PIK3C2A: variants seen among roughly 807,000 people sequenced by gnomAD.
PIK3C2A encodes the protein phosphatidylinositol-4-phosphate 3-kinase catalytic subunit type 2 alpha, also known as phosphatidylinositol 4-phosphate 3-kinase C2 domain-containing subunit alpha.
PIK3C2A carries 97 observed loss-of-function variants against 204.5 expected under a neutral mutation model. The ratio of observed to expected loss-of-function variants is 0.47; its 90% CI spans 0.40 to 0.56. The LOEUF (loss-of-function observed/expected upper bound fraction) is 0.56, where lower values mean the gene tolerates loss of function less well. Among genes scored for constraint, PIK3C2A ranks in the 20% least tolerant of loss-of-function variants. The pLI, the probability that PIK3C2A is intolerant of heterozygous loss-of-function variation, is 0.00. For synonymous variants in PIK3C2A, 653 were observed against 664.4 expected (o/e 0.98, Z 0.26); for missense variants, 1,735 against 1,969.2 (o/e 0.88, Z 2.25).
At chr11:17,100,080 A>G (rs1033911612) in intron 25 of PIK3C2A, 111 bp from the exon 26 acceptor site, 48 of 592,356 alleles carry the variant, frequency 8.1e-5, no homozygotes, top group Non-Finnish European at 1.4e-4. Context: ...AAAAATAATC[A>G]GTCTTGAGGG....
chr11:17,104,650 A>G (rs562660097), intron 23 of PIK3C2A, among the ~76,000 whole-genome samples: 2 of 146,184 alleles, frequency 1.4e-5, no homozygotes, highest in African/African-American at 5.1e-5. Context: ...GCGTGAACCC[A>G]GGAGGCGGAG....
Position 17,148,015 on chromosome 11 carries a change from C to T in PIK3C2A, c.1449-387G>A, listed in dbSNP as rs555691176. On this transcript the variant is annotated intron_variant, in intron 5 of 32. Coordinates refer to ENST00000691414, the MANE Select transcript of PIK3C2A (RefSeq NM_002645.4). Reference sequence around the variant, plus strand: ...GGTGGATCACCTGAGGTCGAGAGTTCGAGACCAGCCTGACCAACAGGCTGT... The same window carrying T: ...GGTGGATCACCTGAGGTCGAGAGTTTGAGACCAGCCTGACCAACAGGCTGT... Among the ~76,000 whole-genome samples, 5 of 152,000 alleles carry T rather than the reference C, an allele frequency of 3.3e-5. No homozygotes were observed. The East Asian group carries it at 5.8e-4, about 18-fold the overall frequency.
chr11:17,183,006 A>C (rs1389820725), intron 1 of PIK3C2A, among the ~76,000 whole-genome samples: 2 of 152,066 alleles, frequency 1.3e-5, no homozygotes, highest in African/African-American at 4.8e-5. Flanking sequence ...TACCTGGCTA[A>C]GTTTTGTATT....
chr11:17,108,028 G>A (rs1347664844), intron 22 of PIK3C2A, among the ~76,000 whole-genome samples: 7 of 152,070 alleles, frequency 4.6e-5, no homozygotes, highest in African/African-American at 1.2e-4. Context: ...GCACCACCAC[G>A]CCTGGCTAAT....
chr11:17,115,962 T>A (rs1849172505), intron 19 of PIK3C2A, among the ~76,000 whole-genome samples: 1 of 152,136 alleles, frequency 6.6e-6, no homozygotes, highest in Non-Finnish European at 1.5e-5. Flanking sequence ...CAGGTGTACA[T>A]CTTTATGGCA....
intron 12 of PIK3C2A, among the ~76,000 whole-genome samples, chr11:17,130,688 T>C (rs1849663477): frequency 6.6e-6 from 1 of 150,870 alleles, no homozygotes; most frequent in Non-Finnish European, 1.5e-5. Flanking sequence ...ACACCTGTAA[T>C]CTCAGCTACT....
intron 18 of PIK3C2A, 54 bp downstream of exon 18, chr11:17,118,591 T>A: frequency 1.2e-6 from 1 of 817,084 alleles, no homozygotes; most frequent in South Asian, 1.5e-5. Context: ...GGGTATGCCA[T>A]TTCTATAAAT....
intron 15 of PIK3C2A, among the ~76,000 whole-genome samples, chr11:17,120,365 C>G (rs1232593188): frequency 6.6e-6 from 1 of 151,884 alleles, no homozygotes; most frequent in Non-Finnish European, 1.5e-5. Flanking sequence ...AAAAATACTA[C>G]TATAAAATTT....
chr11:17,156,018 T>C (rs562740293), intron 2 of PIK3C2A, among the ~76,000 whole-genome samples: 1 of 152,316 alleles, frequency 6.6e-6, no homozygotes, highest in African/African-American at 2.4e-5. Context: ...CAGCCAGAAA[T>C]TCTATATATT....
At chr11:17,144,588 A>G (rs1431532322) in intron 8 of PIK3C2A, among the ~76,000 whole-genome samples, 1 of 152,116 alleles carries the variant, frequency 6.6e-6, no homozygotes, top group Non-Finnish European at 1.5e-5. Flanking sequence ...AAGACATGAA[A>G]CATTAATGTC....
rs150052100 is a variant in PIK3C2A at position 17,192,652 on chromosome 11, A to G, written c.-66+15196T>C. The stretch of plus-strand genomic sequence containing the variant: ...GGTAGAGATGGGGTTTCACCATGTT[A>G]GCCAGGATAGTCTCAAACTCCTGAT... On this transcript the variant is annotated intron_variant, in intron 1 of 32. Transcript: ENST00000691414. Among the ~76,000 whole-genome samples, 1,078 of 152,270 alleles carry G rather than the reference A, an allele frequency of 7.1e-3. 22 individuals carry two copies. The highest frequency in any genetic ancestry group is 0.025 in the African/African-American group (1,029 of 41,546).
At chr11:17,129,919 T>G (rs945235889) in intron 12 of PIK3C2A, among the ~76,000 whole-genome samples, 1 of 152,240 alleles carries the variant, frequency 6.6e-6, no homozygotes, top group South Asian at 2.1e-4. Flanking sequence ...AACCTTTAGC[T>G]AAATAGAAGT....
intron 27 of PIK3C2A, among the ~76,000 whole-genome samples, chr11:17,095,881 C>T (rs1016931111): frequency 5.3e-5 from 8 of 151,382 alleles, no homozygotes; most frequent in Non-Finnish European, 8.8e-5. Context: ...TGCGCCACTG[C>T]ACTCCAGCCT....
chr11:17,143,191 T>A (rs569670435), intron 8 of PIK3C2A, among the ~76,000 whole-genome samples: 1 of 152,212 alleles, frequency 6.6e-6, no homozygotes, highest in South Asian at 2.1e-4. Context: ...AATGTACTTG[T>A]AGATAAAAAT....
At chr11:17,111,904 C>CAAAAAAAAAAAAAAA (rs755288547) in intron 21 of PIK3C2A, among the ~76,000 whole-genome samples, 1 of 100,474 alleles carries the variant, frequency 1.0e-5, no homozygotes, top group Admixed American at 9.9e-5. Context: ...AAAAAAAATT[C>CAAAAAAAAAAAAAAA]AAAAAAAAAA....
intron 1 of PIK3C2A, among the ~76,000 whole-genome samples, chr11:17,202,435 G>C (rs186456102): frequency 6.6e-6 from 1 of 151,716 alleles, no homozygotes; most frequent in African/African-American, 2.4e-5. Flanking sequence ...TTAGCCAGGC[G>C]TGATGGCACG....
intron 1 of PIK3C2A, among the ~76,000 whole-genome samples, chr11:17,198,173 G>A (rs1218022382): frequency 6.7e-6 from 1 of 149,222 alleles, no homozygotes; most frequent in East Asian, 2.0e-4. Context: ...CAGTGGCACA[G>A]TCTCCGCTCA....
At position 17,186,082 on chromosome 11, in the gene PIK3C2A, G is replaced by A. The variant is rs118036974; in HGVS notation, c.-65-16276C>T. Among the ~76,000 whole-genome samples, 885 of 152,180 alleles carry A rather than the reference G, an allele frequency of 5.8e-3. 6 individuals carry two copies. Among genetic ancestry groups the A allele is most frequent in the South Asian group, 0.016 (77 of 4,816 alleles). On this transcript the variant is annotated intron_variant, in intron 1 of 32. Transcript: ENST00000691414. Reference sequence around the variant, plus strand: ...CTTCCATCACACTGGCCCCCTTGTTGTTCCTCAACACCTTATGCTCCCAAC... The same window carrying A: ...CTTCCATCACACTGGCCCCCTTGTTATTCCTCAACACCTTATGCTCCCAAC...
intron 8 of PIK3C2A, among the ~76,000 whole-genome samples, chr11:17,139,175 A>G (rs1188357605): frequency 1.3e-5 from 2 of 151,202 alleles, no homozygotes; most frequent in Non-Finnish European, 2.9e-5. Context: ...GGCCTCCCCA[A>G]GTGCTGGGAT....
Sources: gnomAD v4.1 joint callset for allele counts (sites outside exome capture counted in the v4.1 genomes callset) on GRCh38, gnomAD v4.1.1 for gene constraint, MANE v1.5 for transcripts, NCBI Gene and HGNC (gene_info 2026-07-23, HGNC 2026-07-21) for gene names.